The following GRK5 variants were observed in gnomAD, a reference collection of about 807,000 sequenced individuals.
GRK5 encodes g protein-coupled receptor kinase GRK5.
In GRK5, 40 loss-of-function variants were observed where a neutral mutation model predicts 78.4. The observed-to-expected ratio is 0.51, with a 90% CI of 0.40 to 0.66. The LOEUF (loss-of-function observed/expected upper bound fraction) is 0.66, where lower values mean the gene tolerates loss of function less well. Among genes scored for constraint, GRK5 ranks in the 30% least tolerant of loss-of-function variants. The probability of loss-of-function intolerance (pLI) is 0.00; values close to 1 mark genes in which losing one functional copy is unlikely to be tolerated. For synonymous variants in GRK5, 289 were observed against 296.8 expected (o/e 0.97, Z 0.27); for missense variants, 598 against 759.9 (o/e 0.79, Z 2.50).
intron 1 of GRK5, among the ~76,000 whole-genome samples, chr10:119,231,706 C>CA (rs797013887): frequency 0.028 from 1,669 of 60,246 alleles, 30 homozygotes; most frequent in African/African-American, 0.077. Flanking sequence ...GACTCTGCCT[C>CA]AAAAAAAAAA....
At chr10:119,414,006 G>A (rs530926999) in intron 4 of GRK5, among the ~76,000 whole-genome samples, 56 of 152,142 alleles carry the variant, frequency 3.7e-4, no homozygotes, top group Admixed American at 7.2e-4. Flanking sequence ...CCGCCCCGGA[G>A]GAGAAATGAG....
chr10:119,444,931 C>T (rs749811698), intron 12 of GRK5, among the ~76,000 whole-genome samples: 31 of 152,338 alleles, frequency 2.0e-4, no homozygotes, highest in South Asian at 1.4e-3. Flanking sequence ...AGATCTGCGC[C>T]GCAAGCGGCC....
At chr10:119,449,307 T>TG (rs1354048786) in intron 13 of GRK5, among the ~76,000 whole-genome samples, 2 of 152,140 alleles carry the variant, frequency 1.3e-5, no homozygotes, top group African/African-American at 4.8e-5. Flanking sequence ...TGGAGGCAGG[T>TG]GGGGACCGTC....
intron 2 of GRK5, among the ~76,000 whole-genome samples, chr10:119,368,549 T>G (rs1317672648): frequency 6.6e-6 from 1 of 152,236 alleles, no homozygotes; most frequent in East Asian, 1.9e-4. Flanking sequence ...GCCCCCCTTG[T>G]TCATCAGCCC....
intron 2 of GRK5, among the ~76,000 whole-genome samples, chr10:119,351,296 G>A (rs1564901392): frequency 1.3e-5 from 2 of 152,090 alleles, no homozygotes; most frequent in Non-Finnish European, 2.9e-5. Flanking sequence ...ATATGGTTTG[G>A]CTCTGTGTCC....
chr10:119,210,996 C>G (rs1224477866), intron 1 of GRK5, among the ~76,000 whole-genome samples: 3 of 152,032 alleles, frequency 2.0e-5, no homozygotes, highest in African/African-American at 7.2e-5. Flanking sequence ...AATAGAAAGC[C>G]TGTAAGTGGA....
chr10:119,370,481 C>T (rs1851529220), intron 2 of GRK5, among the ~76,000 whole-genome samples: 1 of 152,210 alleles, frequency 6.6e-6, no homozygotes, highest in Non-Finnish European at 1.5e-5. Context: ...CACCATATGT[C>T]ATTTTTTATT....
intron 2 of GRK5, among the ~76,000 whole-genome samples, chr10:119,342,869 C>T (rs1042545583): frequency 1.2e-4 from 19 of 152,076 alleles, no homozygotes; most frequent in South Asian, 2.1e-4. Context: ...TACTGACTCT[C>T]GGCAGACTTA....
intron 2 of GRK5, among the ~76,000 whole-genome samples, chr10:119,345,120 A>C (rs1177505328): frequency 2.6e-5 from 4 of 151,726 alleles, no homozygotes; most frequent in Non-Finnish European, 5.9e-5. Flanking sequence ...AGGCGCCCAC[A>C]ACCACGCCTG....
At chr10:119,235,550 C>T (rs1848910763) in intron 1 of GRK5, among the ~76,000 whole-genome samples, 1 of 151,976 alleles carries the variant, frequency 6.6e-6, no homozygotes, top group Non-Finnish European at 1.5e-5. Flanking sequence ...CATTGAGGGC[C>T]CCTTACAAGG....
At chr10:119,385,632 A>C (rs1851781719) in intron 3 of GRK5, among the ~76,000 whole-genome samples, 1 of 152,148 alleles carries the variant, frequency 6.6e-6, no homozygotes, top group African/African-American at 2.4e-5. Context: ...GTATTCTCTG[A>C]TGGATTGGGG....
chr10:119,261,280 C>CTGCAATCTCAGCACTTTG, intron 1 of GRK5, among the ~76,000 whole-genome samples: 1 of 147,874 alleles, frequency 6.8e-6, no homozygotes, highest in Middle Eastern at 3.5e-3. Flanking sequence ...CGGGCAGAGG[C>CTGCAATCTCAGCACTTTG]GCTCCTCACA....
chr10:119,260,845 T>C (rs1849371039), intron 1 of GRK5, among the ~76,000 whole-genome samples: 1 of 151,940 alleles, frequency 6.6e-6, no homozygotes, highest in Non-Finnish European at 1.5e-5. Flanking sequence ...TTCTCAATCT[T>C]TTCCCCACCT....
At chr10:119,439,492 G>A (rs1016510427) in intron 9 of GRK5, among the ~76,000 whole-genome samples, 5 of 152,238 alleles carry the variant, frequency 3.3e-5, no homozygotes. Context: ...AACTTTCCCA[G>A]TCACCCTCCA....
At chr10:119,302,543 C>T (rs1326292099) in intron 1 of GRK5, among the ~76,000 whole-genome samples, 1 of 152,158 alleles carries the variant, frequency 6.6e-6, no homozygotes, top group Non-Finnish European at 1.5e-5. Context: ...GGGCTGGGGC[C>T]TCTGGAGAGT....
chr10:119,240,221 G>A (rs1284594000), intron 1 of GRK5, among the ~76,000 whole-genome samples: 1 of 61,160 alleles, frequency 1.6e-5, no homozygotes, highest in Admixed American at 2.3e-4. Flanking sequence ...TTTTTTTTGA[G>A]ACGGAGTCTC....
chr10:119,211,462 T>C (rs1001755500), intron 1 of GRK5: 2 of 152,220 alleles, frequency 1.3e-5, no homozygotes, highest in African/African-American at 2.4e-5. Flanking sequence ...AAGGTTTTTG[T>C]GTTTTTCTCA....
At chr10:119,382,469 T>G (rs530659273) in intron 3 of GRK5, among the ~76,000 whole-genome samples, 1 of 152,300 alleles carries the variant, frequency 6.6e-6, no homozygotes, top group Admixed American at 6.5e-5. Flanking sequence ...CAGAATAGTG[T>G]AATGAACCCC....
At chr10:119,424,599 C>T (rs1395092671) in intron 5 of GRK5, among the ~76,000 whole-genome samples, 1 of 120,220 alleles carries the variant, frequency 8.3e-6, no homozygotes. Context: ...ATTAAGTCTT[C>T]GTCTGTTCTC....
Sources: allele counts gnomAD v4.1 joint callset (sites outside exome capture counted in the v4.1 genomes callset), GRCh38; gene constraint gnomAD v4.1.1; transcripts MANE v1.5; gene names NCBI Gene and HGNC (gene_info 2026-07-23, HGNC 2026-07-21).